The following PGAP6 variants were observed in gnomAD, a reference collection of about 807,000 sequenced individuals.
The protein encoded by PGAP6 is post-GPI attachment to proteins factor 6.
PGAP6 carries 62 observed loss-of-function variants against 68.4 expected under a neutral mutation model. That is an observed-to-expected ratio of 0.91 (90% CI 0.74 to 1.12). The LOEUF (loss-of-function observed/expected upper bound fraction) is 1.12, where lower values mean the gene tolerates loss of function less well. Among genes scored for constraint, PGAP6 ranks in the 50% most tolerant of loss-of-function variants. The probability of loss-of-function intolerance (pLI) is 0.00; values close to 1 mark genes in which losing one functional copy is unlikely to be tolerated. For missense variants in PGAP6, 1,188 were observed against 1,068.5 expected (o/e 1.11, Z -1.56); for synonymous variants, 575 against 474.0 (o/e 1.21, Z -2.77).
chr16:385,692 C>T (rs534726970), upstream of PGAP6, among the ~76,000 whole-genome samples: 1,073 of 134,976 alleles, frequency 7.9e-3, 5 homozygotes, highest in Middle Eastern at 0.039. Flanking sequence ...TGGCGCGATC[C>T]TGGCTCACTG....
upstream of PGAP6, chr16:386,726 C>CAAAAAAAAAAAAAAAAAAAAAAAAAAAAA: frequency 6.4e-6 from 2 of 311,116 alleles, no homozygotes; most frequent in Non-Finnish European, 1.2e-5. Context: ...AAAAAAAAAC[C>CAAAAAAAAAAAAAAAAAAAAAAAAAAAAA]AAAAAAAAAA....
In PGAP6 at chr16:374,013, G is replaced by C; in HGVS notation, c.1894C>G (p.Leu632Val). The C allele has an allele frequency of 6.2e-7, 1 of 1,608,844 alleles. No homozygotes were observed. The highest frequency in any genetic ancestry group is 1.1e-5 in the South Asian group (1 of 90,904). ...ILCMARLKTVLKYVLFLLGTL... is the reference protein window; with the variant it reads ...ILCMARLKTVVKYVLFLLGTL... Reference sequence around the variant, plus strand: ...CGTCGAGGGCCACTCACGTATTTCAGGACTGTCTTGAGCCGTGCCATGCAC... The same window carrying C: ...CGTCGAGGGCCACTCACGTATTTCACGACTGTCTTGAGCCGTGCCATGCAC... The change falls in exon 11 of 13, where the codon CTG (leucine) becomes GTG (valine). Residue 632 changes from leucine to valine, a missense_variant. Leu to Val is a conservative substitution (Grantham distance 32). Transcript: ENST00000431232.
At chr16:377,257 G>C in intron 3 of PGAP6, 93 bp from the exon 4 acceptor site, 1 of 1,595,774 alleles carries the variant, frequency 6.3e-7, no homozygotes, top group East Asian at 2.2e-5. Context: ...GCAGGGAGCA[G>C]GGCTGGCCCC....
In PGAP6 at chr16:377,487, A is replaced by AAT. The variant is rs2054396233; in HGVS notation, c.397_398insAT (p.Leu133HisfsTer2). 6.2e-7 allele frequency: 1 copy of AAT among 1,607,398 alleles called. No individual in the cohort carries two copies. The highest frequency in any genetic ancestry group is 8.5e-7 in the Non-Finnish European group (1 of 1,177,734). The stretch of plus-strand genomic sequence containing the variant: ...GGCATTGCTTCTCGGTGTGGTGCTC[A>AAT]GCGGCACCCCGACCTGGAAGGAGGG... On this transcript the variant is annotated frameshift_variant, in exon 3 of 13. Coordinates refer to ENST00000431232, the MANE Select transcript of PGAP6 (RefSeq NM_021259.3). LOFTEE classifies it high-confidence loss of function.
Position 377,654 on chromosome 16 carries a change from G to C in PGAP6, c.299+17C>G. Reference sequence around the variant, plus strand: ...CCAGGCGCGGGAGGGTGGGCAGGCGGGCGGGCAGCCACCTACACGGTGATC... The same window carrying C: ...CCAGGCGCGGGAGGGTGGGCAGGCGCGCGGGCAGCCACCTACACGGTGATC... On this transcript the variant is annotated intron_variant, in intron 2 of 12. Transcript: ENST00000431232. 6.4e-7 allele frequency: 1 copy of C among 1,573,906 alleles called. No individual in the cohort carries two copies. The highest frequency in any genetic ancestry group is 8.6e-7 in the Non-Finnish European group (1 of 1,160,280).
At chr16:385,056 C>T (rs932511589), upstream of PGAP6, among the ~76,000 whole-genome samples, 1 of 150,790 alleles carries the variant, frequency 6.6e-6, no homozygotes, top group Non-Finnish European at 1.5e-5. Flanking sequence ...ATCCCAGCTA[C>T]TCAGGAGGCT....
chr16:376,672 G>A lies in PGAP6; in HGVS notation c.776C>T (p.Thr259Ile). The A allele has an allele frequency of 1.9e-6, 3 of 1,611,024 alleles. No individual in the cohort carries two copies. The highest frequency in any genetic ancestry group is 2.2e-5 in the East Asian group (1 of 44,852). The part of the protein sequence containing the change: ...PSNFQKVLTC[T>I]GAPWPCRLLL... The stretch of plus-strand genomic sequence containing the variant: ...CAGGCGGCAGGGCCAGGGGGCACCG[G>A]TGCAGGTGAGCACCTTCTGGAAGTT... The change falls in exon 5 of 13, where the codon ACC becomes ATC. Residue 259 changes from threonine (T) to isoleucine (I), a missense_variant. Thr to Ile is a moderately conservative substitution (Grantham distance 89). Coordinates refer to ENST00000431232, the MANE Select transcript of PGAP6 (RefSeq NM_021259.3).
chr16:374,724 C>T lies in PGAP6; in HGVS notation c.1576+32G>A, dbSNP rs763711858. On this transcript the variant is annotated intron_variant, in intron 9 of 12. Transcript: ENST00000431232. ...CAGCACTGGAAGCCAACAGCAGCAG[C>T]GTCTCGGGGCGGGCGGGGCCCTGGC... 27 of 1,609,646 alleles carry T rather than the reference C, an allele frequency of 1.7e-5. No individual in the cohort carries two copies. In the Middle Eastern group the frequency reaches 9.2e-4, roughly 55 times the overall value.
Position 372,300 on chromosome 16 carries a change from C to T in PGAP6, c.2020-17G>A, listed in dbSNP as rs201892674. 1.5e-3 allele frequency: 2,361 copies of T among 1,601,596 alleles called. 4 individuals are homozygous for T. The highest frequency in any genetic ancestry group is 2.3e-3 in the Middle Eastern group (12 of 5,156). ...GCGGTAAGCCTGGAGAAAACAGCCA[C>T]GCAGGTATCAGTGCAGGTGGGGCCG... On this transcript the variant is annotated splice_polypyrimidine_tract_variant and intron_variant, in intron 12 of 12. Transcript: ENST00000431232.
chr16:376,346 C>T lies in PGAP6; in HGVS notation c.1014G>A (p.Leu338=). ...LLSPSPDHQD[L]GRSGRVDRSP... ...TGCGGTCCACCCTGCCACTCCTGCC[C>T]AGGTCCTGGTGGTCGGGGCTCGGGG... Residue 338 remains leucine (L), a synonymous_variant, in exon 6 of 13, where the codon CTG becomes CTA. Transcript: ENST00000431232. 1 of 1,612,630 alleles carries T rather than the reference C, an allele frequency of 6.2e-7. No individual in the cohort carries two copies. Among genetic ancestry groups the T allele is most frequent in the South Asian group, 1.1e-5 (1 of 91,074 alleles).
At chr16:382,333 C>T, upstream of PGAP6, 1 of 388,052 alleles carries the variant, frequency 2.6e-6, no homozygotes, top group Non-Finnish European at 4.6e-6. Context: ...CTCGGGGAGC[C>T]CGCGGGGGGC....
rs144967487 is a variant in PGAP6 at position 374,320 on chromosome 16, C to A, written c.1656G>T (p.Thr552=). 3.7e-6 allele frequency: 6 copies of A among 1,605,280 alleles called. No individual in the cohort carries two copies. Among genetic ancestry groups the A allele is most frequent in the Admixed American group, 1.7e-5 (1 of 59,978 alleles). The stretch of plus-strand genomic sequence containing the variant: ...GGGCCAGGAACATGAGGTTGCTGAG[C>A]GTGAGCAGCAGTGTGGCCGCCCTCT... ...AQQRAATLLL[T]LSNLMFLAPI... The change falls in exon 10 of 13, where the codon ACG becomes ACT. Residue 552 remains threonine (T), a synonymous_variant. Coordinates refer to ENST00000431232, the MANE Select transcript of PGAP6 (RefSeq NM_021259.3).
Position 377,683 on chromosome 16 carries a change from G to A in PGAP6, c.287C>T (p.Ala96Val), listed in dbSNP as rs772953912. The change falls in exon 2 of 13, where the codon GCG becomes GTG. Residue 96 changes from alanine to valine, a missense_variant. Coordinates refer to ENST00000431232, the MANE Select transcript of PGAP6 (RefSeq NM_021259.3). ...GGCAGCCACCTACACGGTGATCTCC[G>A]CGTCGGTGCAGGCAGCGCCGCTCTC... is the stretch of plus-strand genomic sequence containing the variant. ...SRESGAACTD[A>V]EITVHFRSGA... 17 of 1,585,972 alleles carry A rather than the reference G, an allele frequency of 1.1e-5. No individual in the cohort carries two copies. In the East Asian group the frequency reaches 1.6e-4, roughly 15 times the overall value.
At position 373,893 on chromosome 16, in the gene PGAP6, A is replaced by G. The variant is rs567042501; in HGVS notation, c.1902+112T>C. 8.2e-6 allele frequency: 11 copies of G among 1,334,410 alleles called. No homozygotes were observed. The African/African-American group carries it at 1.3e-4, about 16-fold the overall frequency. The allele number at this position is 1,334,410 out of a possible 1,614,324, so 82.7% of individuals were successfully genotyped here. ...TGCTCGGCCGAGATGTGAGGTTTCC[A>G]GGGGCCGTGCCCAACGCCAGGTCCG... is the stretch of plus-strand genomic sequence containing the variant. On this transcript the variant is annotated intron_variant, in intron 11 of 12. Coordinates refer to ENST00000431232, the MANE Select transcript of PGAP6 (RefSeq NM_021259.3).
chr16:380,398 G>C (rs577881754), intron 1 of PGAP6, among the ~76,000 whole-genome samples: 2 of 148,074 alleles, frequency 1.4e-5, no homozygotes, highest in African/African-American at 5.1e-5. Context: ...ATGGAGTCTC[G>C]CTCTGTTGTC....
At position 375,238 on chromosome 16, in the gene PGAP6, G is replaced by C. The variant is rs144557907; in HGVS notation, c.1334C>G (p.Pro445Arg). ...NCTTAFFQGY[P>R]LSLSAWSRRA... ...GCGAGACCAGGCGCTCAGAGACAAA[G>C]GGTAGCCCTGGAAGAAGGCTGCAGG... The change falls in exon 8 of 13, where the codon CCT becomes CGT. Residue 445 changes from proline (P) to arginine (R), a missense_variant. Pro to Arg is a moderately radical substitution (Grantham distance 103). Coordinates refer to ENST00000431232, the MANE Select transcript of PGAP6 (RefSeq NM_021259.3). The C allele has an allele frequency of 1.2e-6, 2 of 1,613,170 alleles. No homozygotes were observed. The highest frequency in any genetic ancestry group is 1.7e-5 in the Admixed American group (1 of 60,014).
Position 376,668 on chromosome 16 carries a change from A to C in PGAP6, c.780T>G (p.Gly260=). The change falls in exon 5 of 13, where the codon GGT becomes GGG. Residue 260 remains glycine, a synonymous_variant. Transcript: ENST00000431232. ...SNFQKVLTCT[G]APWPCRLLLP... ...GCAGCAGGCGGCAGGGCCAGGGGGCACCGGTGCAGGTGAGCACCTTCTGGA... is the reference window on the plus strand; with the variant it reads ...GCAGCAGGCGGCAGGGCCAGGGGGCCCCGGTGCAGGTGAGCACCTTCTGGA... 3 of 1,610,492 alleles carry C rather than the reference A, an allele frequency of 1.9e-6. No homozygotes were observed. Among genetic ancestry groups the C allele is most frequent in the Non-Finnish European group, 2.5e-6 (3 of 1,179,122 alleles).
chr16:375,146 G>C lies in PGAP6; in HGVS notation c.1426C>G (p.Pro476Ala), dbSNP rs1410448488. The change falls in exon 8 of 13, where the codon CCT becomes GCT. Residue 476 changes from proline to alanine, a missense_variant. By Grantham distance (27) the Pro-to-Ala change is conservative. Transcript: ENST00000431232. ...AGGTTTACTTACTCAGCATTCTCAG[G>C]GCACATGAGCTGCAGGGAGAGGTAC... ...NWYLSLQLMC[P>A]ENAEDCEQAV... 6.2e-7 allele frequency: 1 copy of C among 1,613,340 alleles called. No individual in the cohort carries two copies.
chr16:374,535 G>T, intron 9 of PGAP6, 136 bp from the exon 10 acceptor site: 1 of 1,172,112 alleles, frequency 8.5e-7, no homozygotes, highest in Non-Finnish European at 1.2e-6. Context: ...CGGGGTCCAA[G>T]GTCAGGAGGC....
Sources: gnomAD v4.1 joint callset for allele counts (sites outside exome capture counted in the v4.1 genomes callset) on GRCh38, gnomAD v4.1.1 for gene constraint, MANE v1.5 for transcripts, NCBI Gene and HGNC (gene_info 2026-07-23, HGNC 2026-07-21) for gene names.